The following VPS13C variants were observed in gnomAD, a reference collection of about 807,000 sequenced individuals.
VPS13C encodes vacuolar protein sorting 13 homolog C.
VPS13C carries 358 observed loss-of-function variants against 456.8 expected under a neutral mutation model. The ratio of observed to expected loss-of-function variants is 0.78; its 90% CI spans 0.72 to 0.86. The LOEUF (loss-of-function observed/expected upper bound fraction) is 0.86, where lower values mean the gene tolerates loss of function less well. Among genes scored for constraint, VPS13C ranks in the 40% least tolerant of loss-of-function variants. The probability of loss-of-function intolerance (pLI) is 0.00; values close to 1 mark genes in which losing one functional copy is unlikely to be tolerated. For synonymous variants in VPS13C, 1,578 were observed against 1,486.7 expected (o/e 1.06, Z -1.41); for missense variants, 4,818 against 4,385.4 (o/e 1.10, Z -2.79).
intron 37 of VPS13C, among the ~76,000 whole-genome samples, chr15:61,955,508 C>T (rs1363034302): frequency 6.6e-6 from 1 of 152,154 alleles, no homozygotes; most frequent in African/African-American, 2.4e-5. Flanking sequence ...GAATTCCATA[C>T]AGAAAGCCGC....
intron 24 of VPS13C, among the ~76,000 whole-genome samples, chr15:61,976,285 T>A (rs575504882): frequency 2.6e-5 from 4 of 152,130 alleles, no homozygotes; most frequent in Non-Finnish European, 5.9e-5. Flanking sequence ...CATGAATGAA[T>A]CTCAAATTAA....
Position 61,866,374 on chromosome 15 carries a change from CAG to C in VPS13C, c.10863+2283_10863+2284del, listed in dbSNP as rs1402293747. The C allele has an allele frequency of 1.2e-4, 116 of 983,318 alleles. 1 individual carries two copies. In the Middle Eastern group the frequency reaches 2.1e-3, roughly 18 times the overall value. The allele number at this position is 983,318 out of a possible 1,614,324, so 60.9% of individuals were successfully genotyped here. ...TTTCTTGAAGTTTTGTGCTTTTTGA[CAG>C]AGAGTTATAAAAAGATATCACAAGG... On this transcript the variant is annotated intron_variant, in intron 81 of 84. Transcript: ENST00000644861.
In VPS13C at chr15:61,942,027, C is replaced by T; in HGVS notation, c.5189G>A (p.Ser1730Asn). 1 of 1,609,114 alleles carries T rather than the reference C, an allele frequency of 6.2e-7. No individual in the cohort carries two copies. The highest frequency in any genetic ancestry group is 1.1e-5 in the South Asian group (1 of 90,358). Residue 1730 changes from serine to asparagine, a missense_variant, in exon 46 of 85, where the codon AGT becomes AAT. By Grantham distance (46) the Ser-to-Asn change is conservative. Transcript: ENST00000644861. ...NNFQTAKEAL[S>N]TATVQAAERA... ...TTCTGCAGCCTGGACTGTGGCTGTACTCAAAGCTTCTTTAGCAGTTTGGAA... is the reference window on the plus strand; with the variant it reads ...TTCTGCAGCCTGGACTGTGGCTGTATTCAAAGCTTCTTTAGCAGTTTGGAA...
At position 61,913,322 on chromosome 15, in the gene VPS13C, T is replaced by A; in HGVS notation, c.8539A>T (p.Met2847Leu). The A allele has an allele frequency of 6.2e-7, 1 of 1,613,982 alleles. No homozygotes were observed. The highest frequency in any genetic ancestry group is 8.5e-7 in the Non-Finnish European group (1 of 1,179,894). Reference sequence around the variant, plus strand: ...AAGCAGAATCTTACCAGGTACTCCATATTGTTGGCAGGACACTTCACACAC... The same window carrying A: ...AAGCAGAATCTTACCAGGTACTCCAAATTGTTGGCAGGACACTTCACACAC... Reference protein sequence around the residue: ...YGCVKCPANNMEYLVGVSIKM... With the variant: ...YGCVKCPANNLEYLVGVSIKM... Residue 2847 changes from methionine (M) to leucine (L), a missense_variant, in exon 62 of 85, where the codon ATG (methionine) becomes TTG (leucine). By Grantham distance (15) the Met-to-Leu change is conservative. Coordinates refer to ENST00000644861, the MANE Select transcript of VPS13C (RefSeq NM_020821.3).
At chr15:61,999,973 T>C (rs115392235) in intron 16 of VPS13C, among the ~76,000 whole-genome samples, 2,906 of 151,578 alleles carry the variant, frequency 0.019, 59 homozygotes, top group South Asian at 0.069. Context: ...GAAAAACTGA[T>C]AGCCAAAATT....
At position 61,881,569 on chromosome 15, in the gene VPS13C, T is replaced by A. The variant is rs376065379; in HGVS notation, c.9770A>T (p.Gln3257Leu). 2.7e-5 allele frequency: 43 copies of A among 1,606,560 alleles called. No individual in the cohort carries two copies. In the African/African-American group the frequency reaches 3.6e-4, roughly 14 times the overall value. Residue 3257 changes from glutamine (Q) to leucine (L), a missense_variant, in exon 71 of 85, where the codon CAG (glutamine) becomes CTG (leucine). This residue lies in a region of VPS13C where 4,552 missense variants were observed against 4,130.6 expected (regional missense o/e 1.10). Transcript: ENST00000644861. ...TRFNEYSKVLQFKYFMVLIQE... is the reference protein window; with the variant it reads ...TRFNEYSKVLLFKYFMVLIQE... ...AGCAGGAATCTTCACTTACTTGAAC[T>A]GTAAGACTTTACTGTACTCATTAAA...
intron 47 of VPS13C, among the ~76,000 whole-genome samples, chr15:61,937,223 T>C (rs1186144837): frequency 6.6e-6 from 1 of 152,216 alleles, no homozygotes; most frequent in Non-Finnish European, 1.5e-5. Flanking sequence ...TATATATGCA[T>C]CTGGACATAC....
At chr15:61,919,575 T>C (rs2043583493) in intron 57 of VPS13C, 126 bp from the exon 58 acceptor site, 2 of 1,041,926 alleles carry the variant, frequency 1.9e-6, no homozygotes, top group Non-Finnish European at 1.3e-6. Flanking sequence ...TCACCACAAA[T>C]TGCTTTTCTA....
At position 61,945,720 on chromosome 15, in the gene VPS13C, G is replaced by C; in HGVS notation, c.5143C>G (p.Leu1715Val). The change falls in exon 45 of 85, where the codon CTT becomes GTT. Residue 1715 changes from leucine (L) to valine (V), a missense_variant. Physicochemically the swap from Leu to Val is conservative, Grantham distance 32. This residue lies in a region of VPS13C where 4,552 missense variants were observed against 4,130.6 expected (regional missense o/e 1.10). Coordinates refer to ENST00000644861, the MANE Select transcript of VPS13C (RefSeq NM_020821.3). ...IVYVHKFFMS[L>V]LNFLNNFQTA... ...ATATATTTTTAAAAACTTACCAAAA[G>C]AGACATGAAGAATTTATGAACATAA... 1 of 1,580,370 alleles carries C rather than the reference G, an allele frequency of 6.3e-7. No individual in the cohort carries two copies. The highest frequency in any genetic ancestry group is 1.2e-5 in the South Asian group (1 of 84,088).
chr15:61,942,123 A>G (rs2044448357), intron 45 of VPS13C, 56 bp from the exon 46 acceptor site: 3 of 1,453,786 alleles, frequency 2.1e-6, no homozygotes, highest in Non-Finnish European at 2.8e-6. Flanking sequence ...TAAAAGAAAA[A>G]ACTTTAAAAA....
chr15:61,962,989 C>T (rs2045261765), intron 32 of VPS13C, 137 bp from the exon 33 acceptor site: 1 of 532,346 alleles, frequency 1.9e-6, no homozygotes. Context: ...AAATAAGTTG[C>T]AATATTAGAG....
chr15:62,023,972 A>G, intron 6 of VPS13C, 127 bp from the exon 7 acceptor site: 1 of 601,554 alleles, frequency 1.7e-6, no homozygotes, highest in East Asian at 2.8e-5. Context: ...ACCTTATTCT[A>G]AACTGACCTG....
chr15:61,859,160 CA>C lies in VPS13C; in HGVS notation c.10953-2752del, dbSNP rs368189809. Among the ~76,000 whole-genome samples the C allele has an allele frequency of 5.2e-3, 784 of 152,152 alleles. 10 individuals carry two copies. Among genetic ancestry groups the C allele is most frequent in the African/African-American group, 0.018 (757 of 41,530 alleles). On this transcript the variant is annotated intron_variant, in intron 82 of 84. Coordinates refer to ENST00000644861, the MANE Select transcript of VPS13C (RefSeq NM_020821.3). ...CCAAGGTGGGAGGACTGCTTGAGCC[CA>C]GAGTTGAAGACCAGCCTGGGCAACA...
intron 16 of VPS13C, among the ~76,000 whole-genome samples, chr15:61,993,740 C>T (rs965413607): frequency 2.0e-5 from 3 of 151,864 alleles, no homozygotes; most frequent in Admixed American, 1.3e-4. Flanking sequence ...AGTTTTCCTA[C>T]GTTTGTCAAT....
Position 61,917,483 on chromosome 15 carries a change from A to G in VPS13C, c.7913T>C (p.Ile2638Thr). The change falls in exon 60 of 85, where the codon ATA (isoleucine) becomes ACA (threonine). Residue 2638 changes from isoleucine (I) to threonine (T), a missense_variant. Transcript: ENST00000644861. ...ATCAGGCAGAGCAACTGTATTCACT[A>G]TGAGAGGTAAGAAGCTGACTTCTAC... is the stretch of plus-strand genomic sequence containing the variant. Reference protein sequence around the residue: ...PSVEVSFLPLIVNTVALPDEL... With the variant: ...PSVEVSFLPLTVNTVALPDEL... 2 of 1,614,068 alleles carry G rather than the reference A, an allele frequency of 1.2e-6. No individual in the cohort carries two copies. Among genetic ancestry groups the G allele is most frequent in the Non-Finnish European group, 1.7e-6 (2 of 1,179,930 alleles).
At chr15:61,890,437 G>C in intron 66 of VPS13C, 37 bp from the exon 67 acceptor site, 1 of 1,537,352 alleles carries the variant, frequency 6.5e-7, no homozygotes, top group Non-Finnish European at 8.9e-7. Flanking sequence ...CCCACACATA[G>C]TAACTTGTTA....
chr15:62,034,037 AAAG>A (rs1345626731), intron 4 of VPS13C, among the ~76,000 whole-genome samples: 2 of 151,660 alleles, frequency 1.3e-5, no homozygotes, highest in South Asian at 2.1e-4. Context: ...AAATAACACA[AAAG>A]AATAAAAAAG....
chr15:62,001,150 T>C (rs1358272152), intron 15 of VPS13C, among the ~76,000 whole-genome samples: 5 of 152,234 alleles, frequency 3.3e-5, no homozygotes, highest in African/African-American at 1.2e-4. Context: ...GTGTTCCAAG[T>C]GCTTTATGTG....
chr15:61,878,644 C>G lies in VPS13C; in HGVS notation c.10105G>C (p.Gly3369Arg). Reference protein sequence around the residue: ...HSVNLLLKSIGATLTDVDDLI... With the variant: ...HSVNLLLKSIRATLTDVDDLI... ...TCATCCACATCAGTCAGAGTAGCACCTATGCTTTTCAACAGCAAGTTGACA... is the reference window on the plus strand; with the variant it reads ...TCATCCACATCAGTCAGAGTAGCACGTATGCTTTTCAACAGCAAGTTGACA... Residue 3369 changes from glycine (G) to arginine (R), a missense_variant, in exon 74 of 85, where the codon GGT becomes CGT. Physicochemically the swap from Gly to Arg is moderately radical, Grantham distance 125. This residue lies in a region of VPS13C where 4,552 missense variants were observed against 4,130.6 expected (regional missense o/e 1.10). Transcript: ENST00000644861. 6.2e-7 allele frequency: 1 copy of G among 1,611,390 alleles called. No individual in the cohort carries two copies.
Sources: gnomAD v4.1 joint callset for allele counts (sites outside exome capture counted in the v4.1 genomes callset) on GRCh38, gnomAD v4.1.1 for gene constraint, gnomAD v4.1.1 regional missense constraint, MANE v1.5 for transcripts, NCBI Gene and HGNC (gene_info 2026-07-23, HGNC 2026-07-21) for gene names.